Variants in USP29 observed in about 807,000 individuals in gnomAD.
USP29 encodes ubiquitin carboxyl-terminal hydrolase 29.
For synonymous variants in USP29, 386 were observed against 387.4 expected (o/e 1.00, Z 0.04); for missense variants, 1,102 against 1,069.0 (o/e 1.03, Z -0.43).
In USP29 at chr19:57,128,873, A is replaced by G. The variant is rs201416148; in HGVS notation, c.198A>G (p.Lys66=). 1.2e-5 allele frequency: 20 copies of G among 1,613,106 alleles called. No individual in the cohort carries two copies. The African/African-American group carries it at 2.5e-4, about 20-fold the overall frequency. Residue 66 remains lysine, a synonymous_variant, in exon 4 of 4, where the codon AAA becomes AAG. Coordinates refer to ENST00000254181, the MANE Select transcript of USP29 (RefSeq NM_020903.3). ...NIRSVVLRHC[K]KRQSHLRLTL... The stretch of plus-strand genomic sequence containing the variant: ...GAAGTGTGGTCCTTAGACATTGTAA[A>G]AAAAGACAAAGTCACCTGCGTTTAA...
intron 1 of USP29, among the ~76,000 whole-genome samples, chr19:57,120,756 C>T (rs2086790224): frequency 8.4e-6 from 1 of 118,892 alleles, no homozygotes. Flanking sequence ...CACTGCACTC[C>T]AGCCTGGGCG....
chr19:57,129,565 A>G lies in USP29; in HGVS notation c.890A>G (p.Asn297Ser). The G allele has an allele frequency of 6.2e-7, 1 of 1,614,220 alleles. No individual in the cohort carries two copies. Among genetic ancestry groups the G allele is most frequent in the Non-Finnish European group, 8.5e-7 (1 of 1,180,040 alleles). Residue 297 changes from asparagine to serine, a missense_variant, in exon 4 of 4, where the codon AAT (asparagine) becomes AGT (serine). Physicochemically the swap from Asn to Ser is conservative, Grantham distance 46. Coordinates refer to ENST00000254181, the MANE Select transcript of USP29 (RefSeq NM_020903.3). ...FPNLGNTCYM[N>S]AVLQSLFAIP... ...AATTTGGGAAACACCTGTTACATGA[A>G]TGCAGTTTTACAATCGCTATTTGCA...
intron 1 of USP29, among the ~76,000 whole-genome samples, chr19:57,120,788 C>CGAAA (rs1192840761): frequency 1.6e-4 from 5 of 31,146 alleles, no homozygotes; most frequent in African/African-American, 4.2e-4. Flanking sequence ...GACTCCGTCT[C>CGAAA]AAAAAAAAAA....
intron 3 of USP29, among the ~76,000 whole-genome samples, chr19:57,128,021 A>G (rs1599917174): frequency 6.7e-6 from 1 of 150,088 alleles, no homozygotes; most frequent in African/African-American, 2.4e-5. Flanking sequence ...TGGGGGAGGG[A>G]GGTCCCTGGC....
At chr19:57,125,308 A>T (rs899556081) in intron 3 of USP29, among the ~76,000 whole-genome samples, 10 of 152,086 alleles carry the variant, frequency 6.6e-5, no homozygotes, top group Non-Finnish European at 1.3e-4. Flanking sequence ...GGTCAATTTT[A>T]AAATAAGTGC....
Position 57,131,635 on chromosome 19 carries a change from A to AGAACT in USP29, c.*191_*192insGAACT. 1.2e-6 allele frequency: 1 copy of AGAACT among 856,836 alleles called. No individual in the cohort carries two copies. The highest frequency in any genetic ancestry group is 1.7e-5 in the African/African-American group (1 of 58,726). 53.1% of individuals were successfully genotyped at this position (856,836 alleles called of 1,614,324 possible). A position where few individuals can be genotyped will look rare whatever the true frequency, so the allele number is the denominator to read the frequency against. On this transcript the variant is annotated 3_prime_UTR_variant, in exon 4 of 4. Transcript: ENST00000254181. ...CCTAGATCCCAGAACTCAGGCGCAT[A>AGAACT]TGCATATTTTCCCTGCAAGATTAGA...
chr19:57,126,160 C>G (rs945131313), intron 3 of USP29, among the ~76,000 whole-genome samples: 2 of 152,126 alleles, frequency 1.3e-5, no homozygotes, highest in African/African-American at 4.8e-5. Context: ...TGTGGGTAAC[C>G]CGACCTTTCT....
Position 57,131,221 on chromosome 19 carries a change from A to C in USP29, c.2546A>C (p.Gln849Pro). The change falls in exon 4 of 4, where the codon CAG becomes CCG. Residue 849 changes from glutamine (Q) to proline (P), a missense_variant. Physicochemically the swap from Gln to Pro is moderately conservative, Grantham distance 76. Transcript: ENST00000254181. ...TACATCAGCGATGTGTATGACTTTC[A>C]GAAGCAGGCCTGGTTCACATACAAC... ...GHYISDVYDF[Q>P]KQAWFTYNDL... 6.2e-7 allele frequency: 1 copy of C among 1,614,230 alleles called. No individual in the cohort carries two copies. Among genetic ancestry groups the C allele is most frequent in the African/African-American group, 1.3e-5 (1 of 75,072 alleles).
chr19:57,130,960 A>G lies in USP29; in HGVS notation c.2285A>G (p.Glu762Gly). ...GGTGTTAGGAAGCTGGATGCCCAGG[A>G]ACATACAGAAGAGACCCTCAATCAG... is the stretch of plus-strand genomic sequence containing the variant. ...PPGVRKLDAQEHTEETLNQST... is the reference protein window; with the variant it reads ...PPGVRKLDAQGHTEETLNQST... Residue 762 changes from glutamate to glycine, a missense_variant, in exon 4 of 4, where the codon GAA becomes GGA. Physicochemically the swap from Glu to Gly is moderately conservative, Grantham distance 98. Transcript: ENST00000254181. 6.2e-7 allele frequency: 1 copy of G among 1,614,122 alleles called. No homozygotes were observed. Among genetic ancestry groups the G allele is most frequent in the South Asian group, 1.1e-5 (1 of 91,078 alleles).
Sources: allele counts gnomAD v4.1 joint callset (sites outside exome capture counted in the v4.1 genomes callset), GRCh38; gene constraint gnomAD v4.1.1; transcripts MANE v1.5; gene names NCBI Gene and HGNC (gene_info 2026-07-23, HGNC 2026-07-21).